Variants in AGBL1 observed in about 807,000 individuals in gnomAD.
AGBL1 encodes cytosolic carboxypeptidase 4.
Under a neutral mutation model 118.9 loss-of-function variants are expected in AGBL1, and 130 were observed. The ratio of observed to expected loss-of-function variants is 1.09; its 90% CI spans 0.95 to 1.26. The LOEUF is 1.26. Among genes scored for constraint, AGBL1 ranks in the 50% most tolerant of loss-of-function variants. The pLI, the probability that AGBL1 is intolerant of heterozygous loss-of-function variation, is 0.00. For missense variants in AGBL1, 1,584 were observed against 1,298.1 expected (o/e 1.22, Z -3.38); for synonymous variants, 555 against 478.9 (o/e 1.16, Z -2.08).
intron 22 of AGBL1, among the ~76,000 whole-genome samples, chr15:86,740,579 C>T (rs1217751259): frequency 1.3e-5 from 2 of 152,116 alleles, no homozygotes; most frequent in East Asian, 3.9e-4. Flanking sequence ...AGAAAACAGT[C>T]AGTGTGAAGT....
intron 21 of AGBL1, among the ~76,000 whole-genome samples, chr15:86,637,687 CA>C (rs2085119492): frequency 6.6e-6 from 1 of 152,054 alleles, no homozygotes; most frequent in Non-Finnish European, 1.5e-5. Context: ...ATGAGGGTGG[CA>C]GGGGTGGTGG....
At chr15:87,024,922 T>A (rs2081709698) in intron 24 of AGBL1, among the ~76,000 whole-genome samples, 1 of 151,904 alleles carries the variant, frequency 6.6e-6, no homozygotes, top group Admixed American at 6.6e-5. Flanking sequence ...TTTGACAAAA[T>A]CCAGCATCCC....
intron 18 of AGBL1, among the ~76,000 whole-genome samples, chr15:86,509,393 C>A (rs35771325): frequency 0.44 from 66,318 of 151,882 alleles, 15,562 homozygotes; most frequent in East Asian, 0.68. Flanking sequence ...ACATGGTTTG[C>A]TTGGACCACT....
chr15:86,785,613 C>G (rs2078401309), intron 22 of AGBL1, among the ~76,000 whole-genome samples: 1 of 152,030 alleles, frequency 6.6e-6, no homozygotes, highest in Non-Finnish European at 1.5e-5. Context: ...GGCGATCCAC[C>G]CGCCTTGGCC....
chr15:86,264,727 G>GA lies in AGBL1; in HGVS notation c.1558dup (p.Arg520LysfsTer15). Reference sequence around the variant, plus strand: ...CCCTATCTTTATATGGCCAAAGCCAGAAGAACCAGCTCTGTGGTGGACTTC... The same window carrying GA: ...CCCTATCTTTATATGGCCAAAGCCAGAAAGAACCAGCTCTGTGGTGGACTTC... On this transcript the variant is annotated frameshift_variant, in exon 11 of 23. Transcript: ENST00000614907. LOFTEE classifies it high-confidence loss of function. The GA allele has an allele frequency of 6.2e-7, 1 of 1,614,050 alleles. No individual in the cohort carries two copies. Among genetic ancestry groups the GA allele is most frequent in the Non-Finnish European group, 8.5e-7 (1 of 1,179,900 alleles).
chr15:86,108,520 A>C (rs554456394), intron 1 of AGBL1, among the ~76,000 whole-genome samples: 16 of 152,272 alleles, frequency 1.1e-4, no homozygotes, highest in Non-Finnish European at 1.9e-4. Context: ...GTGCATCCTT[A>C]ACCTAGGAAG....
At chr15:86,390,314 C>G (rs114938763) in intron 17 of AGBL1, among the ~76,000 whole-genome samples, 2,551 of 152,148 alleles carry the variant, frequency 0.017, 71 homozygotes, top group African/African-American at 0.058. Flanking sequence ...TAACATACCA[C>G]TCTCAATAAT....
rs145320297 is a variant in AGBL1 at position 86,880,931 on chromosome 15, C to T, written c.3159-26156C>T. ...CCCATTGAACTGACCGCCTCCTCTC[C>T]TAGGAGGGCCAGGGGAGGGGGCGTC... On this transcript the variant is annotated intron_variant, in intron 22 of 22. Transcript: ENST00000614907. Among the ~76,000 whole-genome samples, 930 of 152,190 alleles carry T rather than the reference C, an allele frequency of 6.1e-3. 16 individuals carry two copies. The highest frequency in any genetic ancestry group is 0.021 in the African/African-American group (874 of 41,512).
At chr15:86,412,592 A>C (rs960288770) in intron 18 of AGBL1, among the ~76,000 whole-genome samples, 4 of 152,170 alleles carry the variant, frequency 2.6e-5, no homozygotes, top group Non-Finnish European at 5.9e-5. Context: ...TTTCCCATGC[A>C]TCTTAGCATC....
chr15:86,249,361 G>A (rs931257424), intron 7 of AGBL1, among the ~76,000 whole-genome samples: 9 of 152,042 alleles, frequency 5.9e-5, no homozygotes, highest in Non-Finnish European at 1.0e-4. Flanking sequence ...TTTTCCAACC[G>A]TGGTATCTGG....
chr15:86,329,420 T>G (rs1183871679), intron 17 of AGBL1, among the ~76,000 whole-genome samples: 1 of 152,148 alleles, frequency 6.6e-6, no homozygotes. Context: ...TGTGCATAGA[T>G]TGTGGTGCAG....
intron 21 of AGBL1, among the ~76,000 whole-genome samples, chr15:86,634,105 C>T (rs1384470435): frequency 1.3e-5 from 2 of 151,998 alleles, no homozygotes; most frequent in African/African-American, 4.8e-5. Flanking sequence ...CCCTCATACT[C>T]TGATGGCGAG....
rs2076949721 is a variant in AGBL1, at chr15:86,140,564, A to G, written c.52-1440A>G. ...ATATCTTCATACCTAGTGGGGGTGG[A>G]GTGGGAAGCAAGATTATACCATGAT... On this transcript the variant is annotated intron_variant, in intron 1 of 22. Coordinates refer to ENST00000614907, the MANE Select transcript of AGBL1 (RefSeq NM_001386094.1). 1.3e-5 allele frequency among the ~76,000 whole-genome samples: 2 copies of G among 152,104 alleles called. 1 individual carries two copies. The highest frequency in any genetic ancestry group is 4.2e-4 in the South Asian group (2 of 4,816).
intron 22 of AGBL1, among the ~76,000 whole-genome samples, chr15:86,684,692 G>A (rs569566494): frequency 1.3e-5 from 2 of 152,124 alleles, no homozygotes; most frequent in African/African-American, 2.4e-5. Context: ...AAGTATTTCT[G>A]GGATGACAAG....
At chr15:86,687,758 T>C (rs949978824) in intron 22 of AGBL1, among the ~76,000 whole-genome samples, 1 of 152,144 alleles carries the variant, frequency 6.6e-6, no homozygotes, top group African/African-American at 2.4e-5. Flanking sequence ...ATGATTACAA[T>C]AATTTTAATT....
intron 3 of AGBL1, among the ~76,000 whole-genome samples, chr15:86,152,333 C>T (rs1490886965): frequency 3.3e-5 from 5 of 152,060 alleles, no homozygotes; most frequent in Admixed American, 2.0e-4. Flanking sequence ...ACTAATGGAA[C>T]AGAACAGAGG....
At chr15:86,622,664 C>T (rs1399540801) in intron 21 of AGBL1, among the ~76,000 whole-genome samples, 3 of 152,068 alleles carry the variant, frequency 2.0e-5, no homozygotes, top group Non-Finnish European at 2.9e-5. Context: ...CTGGGGGACA[C>T]ACGTTCTAGA....
chr15:86,856,233 G>T (rs114347300), intron 22 of AGBL1, among the ~76,000 whole-genome samples: 1,693 of 152,268 alleles, frequency 0.011, 13 homozygotes, highest in African/African-American at 0.018. Flanking sequence ...CAGAGGCTGA[G>T]ATGTTATCTG....
chr15:86,181,011 A>G (rs1214451522), intron 5 of AGBL1, among the ~76,000 whole-genome samples: 3 of 152,102 alleles, frequency 2.0e-5, no homozygotes, highest in Admixed American at 6.6e-5. Context: ...TAAAAGACTG[A>G]CCATCACAAG....
Sources: allele counts gnomAD v4.1 joint callset (sites outside exome capture counted in the v4.1 genomes callset), GRCh38; gene constraint gnomAD v4.1.1; transcripts MANE v1.5; gene names NCBI Gene and HGNC (gene_info 2026-07-23, HGNC 2026-07-21).